The following PTP4A2 variants were observed in gnomAD, a reference collection of about 807,000 sequenced individuals.
The protein encoded by PTP4A2 is protein tyrosine phosphatase 4A2.
A neutral mutation model predicts 22.9 loss-of-function variants in PTP4A2; 2 were observed. That is an observed-to-expected ratio of 0.09 (90% CI 0.04 to 0.27). The LOEUF (loss-of-function observed/expected upper bound fraction) is 0.27. PTP4A2 is among the 10% of genes least tolerant of loss of function. The probability of loss-of-function intolerance (pLI) is 1.00; values close to 1 mark genes in which losing one functional copy is unlikely to be tolerated. For missense variants in PTP4A2, 103 were observed against 205.1 expected (o/e 0.50, Z 3.04); for synonymous variants, 68 against 69.1 (o/e 0.98, Z 0.08).
Position 31,908,306 on chromosome 1 carries a change from G to A in PTP4A2, c.*546C>T, listed in dbSNP as rs1159554912. On this transcript the variant is annotated 3_prime_UTR_variant, in exon 6 of 6. Transcript: ENST00000647444. ...CTGCCAGACTGCACGCACATCTACAGCAACAAGGGCTTCTATTCCATCTAC... is the reference window on the plus strand; with the variant it reads ...CTGCCAGACTGCACGCACATCTACAACAACAAGGGCTTCTATTCCATCTAC... The A allele has an allele frequency of 7.4e-6, 1 of 135,516 alleles. No homozygotes were observed. Among genetic ancestry groups the A allele is most frequent in the Non-Finnish European group, 1.6e-5 (1 of 63,848 alleles). 8.4% of individuals were successfully genotyped at this position (135,516 alleles called of 1,614,324 possible).
At position 31,938,233 on chromosome 1, in the gene PTP4A2, TCCGCTGCCG is replaced by T. The variant is rs1176403397; in HGVS notation, c.-849_-841del. ...TGCGTCTCCTGCTGCCGCCGCTGCCTCCGCTGCCGCCGCTGCCCTGTGGCGTCACCTCGC... is the reference window on the plus strand; with the variant it reads ...TGCGTCTCCTGCTGCCGCCGCTGCCTCCGCTGCCCTGTGGCGTCACCTCGC... On this transcript the variant is annotated 5_prime_UTR_variant, in exon 1 of 6. Coordinates refer to ENST00000647444, the MANE Select transcript of PTP4A2 (RefSeq NM_080391.4). The surrounding 1 kb of genome is among the most constrained non-coding windows in gnomAD (Gnocchi z 4.4). 4 of 153,396 alleles carry T rather than the reference TCCGCTGCCG, an allele frequency of 2.6e-5. No individual in the cohort carries two copies. Among genetic ancestry groups the T allele is most frequent in the Non-Finnish European group, 5.6e-5 (4 of 70,874 alleles). The allele number at this position is 153,396 out of a possible 1,614,324, so 9.5% of individuals were successfully genotyped here. A position where few individuals can be genotyped will look rare whatever the true frequency, so the allele number is the denominator to read the frequency against.
intron 3 of PTP4A2, chr1:31,913,805 C>G (rs1429589937): frequency 4.4e-6 from 2 of 456,096 alleles, no homozygotes; most frequent in African/African-American, 4.0e-5. Flanking sequence ...CTGACTCAAA[C>G]AGACTATGGT....
chr1:31,923,124 T>A (rs1652270756), intron 1 of PTP4A2, among the ~76,000 whole-genome samples: 1 of 151,872 alleles, frequency 6.6e-6, no homozygotes, highest in East Asian at 1.9e-4. Flanking sequence ...AAGGCCAGGC[T>A]GGTCTTGAAG....
At chr1:31,911,907 C>A in intron 3 of PTP4A2, 81 bp from the exon 4 acceptor site, 3 of 1,091,326 alleles carry the variant, frequency 2.7e-6, no homozygotes, top group Non-Finnish European at 3.9e-6. Context: ...GCACACAGTA[C>A]ACACGGCAGG....
chr1:31,925,558 G>C (rs1652411576), intron 1 of PTP4A2, among the ~76,000 whole-genome samples: 1 of 151,692 alleles, frequency 6.6e-6, no homozygotes, highest in Admixed American at 6.6e-5. Flanking sequence ...GGAGATAAGA[G>C]ACCATCCTGG....
At chr1:31,921,068 G>A (rs950092359) in intron 1 of PTP4A2, among the ~76,000 whole-genome samples, 4 of 152,172 alleles carry the variant, frequency 2.6e-5, no homozygotes, top group Non-Finnish European at 5.9e-5. Flanking sequence ...ATCCAACACT[G>A]TACTGACAGT....
At chr1:31,923,283 G>A (rs1368149909) in intron 1 of PTP4A2, among the ~76,000 whole-genome samples, 7 of 150,232 alleles carry the variant, frequency 4.7e-5, no homozygotes, top group African/African-American at 9.8e-5. Flanking sequence ...CATAGCTCAC[G>A]GCAACCTCAA....
intron 1 of PTP4A2, among the ~76,000 whole-genome samples, chr1:31,925,633 G>A (rs1441716338): frequency 2.0e-5 from 3 of 151,972 alleles, no homozygotes; most frequent in East Asian, 1.9e-4. Flanking sequence ...GGTGGTGGGC[G>A]CCTGTGGTCC....
intron 1 of PTP4A2, among the ~76,000 whole-genome samples, chr1:31,926,944 G>A (rs964943963): frequency 4.6e-5 from 7 of 152,124 alleles, no homozygotes; most frequent in Admixed American, 3.9e-4. Flanking sequence ...AGCATTTTAG[G>A]CAGAGGATTA....
At chr1:31,935,135 G>A (rs1024924829) in intron 1 of PTP4A2, among the ~76,000 whole-genome samples, 1 of 152,164 alleles carries the variant, frequency 6.6e-6, no homozygotes, top group Admixed American at 6.6e-5. Flanking sequence ...ACAGTGGTAA[G>A]TTCTAGTTCA....
At chr1:31,915,591 A>T in intron 3 of PTP4A2, 1 of 195,332 alleles carries the variant, frequency 5.1e-6, no homozygotes, top group Non-Finnish European at 9.9e-6. Context: ...CCAGGCTGGA[A>T]TGTGGTGGTG....
chr1:31,922,667 T>A (rs1000713760), intron 1 of PTP4A2, among the ~76,000 whole-genome samples: 4 of 151,758 alleles, frequency 2.6e-5, no homozygotes, highest in Middle Eastern at 3.4e-3. Flanking sequence ...TTTCACTCTG[T>A]CACCCAGGCT....
intron 1 of PTP4A2, among the ~76,000 whole-genome samples, chr1:31,930,601 T>C (rs968211911): frequency 6.6e-6 from 1 of 152,214 alleles, no homozygotes; most frequent in East Asian, 1.9e-4. Flanking sequence ...AAGTTTCCCC[T>C]ATAACTGGGT....
chr1:31,924,595 T>C (rs955837945), intron 1 of PTP4A2, among the ~76,000 whole-genome samples: 3 of 152,242 alleles, frequency 2.0e-5, no homozygotes, highest in African/African-American at 4.8e-5. Context: ...TCTCCTAAAG[T>C]TGTCTCTCTG....
Position 31,915,977 on chromosome 1 carries a change from T to G in PTP4A2, c.107A>C (p.Lys36Thr). 6.4e-7 allele frequency: 1 copy of G among 1,570,808 alleles called. No individual in the cohort carries two copies. The highest frequency in any genetic ancestry group is 8.6e-7 in the Non-Finnish European group (1 of 1,163,900). ...TLNKFTEELKKYGVTTLVRVC... is the reference protein window; with the variant it reads ...TLNKFTEELKTYGVTTLVRVC... ...TCGAACCAAAGTCGTCACTCCATAC[T>G]TCTTAAGTTCCTTTAAAAAAAAAAA... is the stretch of plus-strand genomic sequence containing the variant. The change falls in exon 3 of 6, where the codon AAG (lysine) becomes ACG (threonine). Residue 36 changes from lysine (K) to threonine (T), a missense_variant. Transcript: ENST00000647444.
rs150568887 is a variant in PTP4A2, at chr1:31,936,886, G to C, written c.-594+1101C>G. On this transcript the variant is annotated intron_variant, in intron 1 of 5. Transcript: ENST00000647444. Reference sequence around the variant, plus strand: ...GCAAGTACCATATTCCAACTCAGCAGTGTAATGTAGTTTGGCGACTCCGGA... The same window carrying C: ...GCAAGTACCATATTCCAACTCAGCACTGTAATGTAGTTTGGCGACTCCGGA... 9.2e-5 allele frequency among the ~76,000 whole-genome samples: 14 copies of C among 152,240 alleles called. No individual in the cohort carries two copies. In the East Asian group the frequency reaches 2.7e-3, roughly 29 times the overall value.
chr1:31,910,516 G>C (rs1651480967), intron 4 of PTP4A2: 2 of 156,646 alleles, frequency 1.3e-5, no homozygotes, highest in African/African-American at 4.8e-5. Context: ...GTCTGCTCTT[G>C]AACTCCTAGG....
chr1:31,925,576 G>A (rs1426735725), intron 1 of PTP4A2, among the ~76,000 whole-genome samples: 2 of 151,786 alleles, frequency 1.3e-5, no homozygotes, highest in Admixed American at 6.6e-5. Flanking sequence ...TGGCTAACAC[G>A]GTGAAACCCC....
At chr1:31,916,496 C>G (rs1651855127) in intron 2 of PTP4A2, among the ~76,000 whole-genome samples, 1 of 151,938 alleles carries the variant, frequency 6.6e-6, no homozygotes. Flanking sequence ...TGAGACTCAC[C>G]TTTCTAAAGG....
Sources: allele counts gnomAD v4.1 joint callset (sites outside exome capture counted in the v4.1 genomes callset), GRCh38; gene constraint gnomAD v4.1.1; non-coding constraint Gnocchi (gnomAD v3.1); transcripts MANE v1.5; gene names NCBI Gene and HGNC (gene_info 2026-07-23, HGNC 2026-07-21).